Variants in TRDN observed in about 807,000 individuals in gnomAD.
The protein encoded by TRDN is triadin.
In TRDN, 161 loss-of-function variants were observed where a neutral mutation model predicts 149.7. The ratio of observed to expected loss-of-function variants is 1.08; its 90% CI spans 0.95 to 1.23. The LOEUF (loss-of-function observed/expected upper bound fraction) is 1.23, where lower values mean the gene tolerates loss of function less well. Among genes scored for constraint, TRDN ranks in the 50% most tolerant of loss-of-function variants. TRDN has a pLI of 0.00. For missense variants in TRDN, 896 were observed against 823.5 expected (o/e 1.09, Z -1.08); for synonymous variants, 294 against 250.5 (o/e 1.17, Z -1.64).
In TRDN at chr6:123,255,869, T is replaced by C. The variant is rs1179112140; in HGVS notation, c.1904A>G (p.Lys635Arg). Residue 635 changes from lysine (K) to arginine (R), a missense_variant and splice_region_variant, in exon 36 of 41, where the codon AAA (lysine) becomes AGA (arginine). Transcript: ENST00000334268. ...TTTTTATTCTTTTAAAAAATTACCT[T>C]TTTCTTCTCTAAGATGCTTCATGTC... ...KADMKHLREE[K>R]VSTRKESLQL... is the part of the protein sequence containing the mutation. 3 of 1,356,708 alleles carry C rather than the reference T, an allele frequency of 2.2e-6. No individual in the cohort carries two copies. The highest frequency in any genetic ancestry group is 2.9e-6 in the Non-Finnish European group (3 of 1,039,238). The allele number at this position is 1,356,708 out of a possible 1,614,324, so 84.0% of individuals were successfully genotyped here. A position where few individuals can be genotyped will look rare whatever the true frequency, so the allele number is the denominator to read the frequency against.
At chr6:123,624,721 A>G (rs371655474) in intron 1 of TRDN, among the ~76,000 whole-genome samples, 16 of 152,180 alleles carry the variant, frequency 1.1e-4, no homozygotes, top group African/African-American at 3.9e-4. Context: ...TACCTTTCTG[A>G]CAGTTGGTAT....
intron 20 of TRDN, among the ~76,000 whole-genome samples, chr6:123,357,108 A>C (rs1194868008): frequency 6.6e-6 from 1 of 151,852 alleles, no homozygotes; most frequent in African/African-American, 2.4e-5. Flanking sequence ...AAAGCATATA[A>C]ATTTTATCAT....
intron 35 of TRDN, among the ~76,000 whole-genome samples, chr6:123,258,471 C>A (rs1582787213): frequency 1.3e-5 from 2 of 152,158 alleles, no homozygotes; most frequent in Non-Finnish European, 2.9e-5. Flanking sequence ...AGCCTTGCAT[C>A]CCAGGGATGA....
chr6:123,585,163 C>G (rs368882348), intron 1 of TRDN, among the ~76,000 whole-genome samples: 6,922 of 144,944 alleles, frequency 0.048, 273 homozygotes, highest in African/African-American at 0.078. Flanking sequence ...ACAAGAGGAG[C>G]ACGCAAAGGA....
At chr6:123,289,748 G>T (rs533351959) in intron 24 of TRDN, among the ~76,000 whole-genome samples, 1 of 152,182 alleles carries the variant, frequency 6.6e-6, no homozygotes, top group African/African-American at 2.4e-5. Context: ...TGCCTATGGG[G>T]TAGTCTCTTT....
At chr6:123,570,374 A>G (rs149549822) in intron 2 of TRDN, among the ~76,000 whole-genome samples, 1 of 152,332 alleles carries the variant, frequency 6.6e-6, no homozygotes, top group East Asian at 1.9e-4. Context: ...TGAACAAAAA[A>G]TGAACAATTA....
chr6:123,393,598 G>C, intron 13 of TRDN, 26 bp downstream of exon 13: 2 of 1,577,536 alleles, frequency 1.3e-6, no homozygotes, highest in Non-Finnish European at 1.7e-6. Flanking sequence ...AAAAGGCAAT[G>C]CTTTTTAAAG....
chr6:123,305,528 G>C (rs1247387453), intron 24 of TRDN, among the ~76,000 whole-genome samples: 1 of 152,008 alleles, frequency 6.6e-6, no homozygotes, highest in Non-Finnish European at 1.5e-5. Flanking sequence ...AAGTTCTAAA[G>C]AACAATTCTC....
intron 9 of TRDN, among the ~76,000 whole-genome samples, chr6:123,465,254 T>G (rs1228736865): frequency 6.6e-6 from 1 of 152,170 alleles, no homozygotes; most frequent in African/African-American, 2.4e-5. Flanking sequence ...ACTTCATTAA[T>G]GGAAAATGTA....
At chr6:123,245,324 T>G (rs559325190) in intron 38 of TRDN, among the ~76,000 whole-genome samples, 1 of 152,156 alleles carries the variant, frequency 6.6e-6, no homozygotes, top group East Asian at 1.9e-4. Context: ...TCAAGACTCA[T>G]CAGTGTGCTG....
intron 9 of TRDN, among the ~76,000 whole-genome samples, chr6:123,483,066 T>TTTTTTATTATTA (rs543644350): frequency 3.7e-5 from 5 of 133,372 alleles, no homozygotes; most frequent in Admixed American, 7.7e-5. Flanking sequence ...TGATTTCTCA[T>TTTTTTATTATTA]TTATTATTAT....
chr6:123,636,853 C>T lies in TRDN; in HGVS notation c.-78G>A. 6.4e-7 allele frequency: 1 copy of T among 1,565,616 alleles called. No individual in the cohort carries two copies. The highest frequency in any genetic ancestry group is 8.8e-7 in the Non-Finnish European group (1 of 1,137,600). ...TGCAGAGTATTTGGGGATTTGAGAACTCTGGTGGAGGGTTCTGTGTCAAAA... is the reference window on the plus strand; with the variant it reads ...TGCAGAGTATTTGGGGATTTGAGAATTCTGGTGGAGGGTTCTGTGTCAAAA... On this transcript the variant is annotated 5_prime_UTR_variant, in exon 1 of 41. Coordinates refer to ENST00000334268, the MANE Select transcript of TRDN (RefSeq NM_006073.4).
chr6:123,635,217 G>A (rs1441042549), intron 1 of TRDN, among the ~76,000 whole-genome samples: 1 of 151,806 alleles, frequency 6.6e-6, no homozygotes, highest in African/African-American at 2.4e-5. Flanking sequence ...AAAGCAACAT[G>A]ACACAGAATA....
intron 21 of TRDN, chr6:123,351,379 T>C (rs945095839): frequency 1.0e-6 from 1 of 984,020 alleles, no homozygotes; most frequent in African/African-American, 1.7e-5. Flanking sequence ...GGAACACGCA[T>C]AAATGAACAC....
intron 9 of TRDN, chr6:123,488,605 C>T (rs529700723): frequency 1.3e-5 from 2 of 152,242 alleles, no homozygotes; most frequent in East Asian, 3.9e-4. Flanking sequence ...TTTTCTCCAT[C>T]ACATATTCTA....
chr6:123,585,610 T>A (rs1431950630), intron 1 of TRDN, among the ~76,000 whole-genome samples: 3 of 152,024 alleles, frequency 2.0e-5, no homozygotes, highest in Non-Finnish European at 4.4e-5. Context: ...TGGGCCAGAG[T>A]TCCAGGGGCT....
chr6:123,507,203 T>A (rs1002914632), intron 7 of TRDN, among the ~76,000 whole-genome samples: 9 of 152,142 alleles, frequency 5.9e-5, no homozygotes, highest in Admixed American at 2.6e-4. Flanking sequence ...ATGAAATTGT[T>A]ATATTTGCTT....
chr6:123,328,789 C>T (rs1457559761), intron 23 of TRDN, among the ~76,000 whole-genome samples: 1 of 152,158 alleles, frequency 6.6e-6, no homozygotes, highest in Non-Finnish European at 1.5e-5. Flanking sequence ...ACTTCAGTAT[C>T]TGGTTAATTG....
intron 12 of TRDN, among the ~76,000 whole-genome samples, chr6:123,410,609 G>A (rs1562299743): frequency 1.3e-5 from 2 of 152,010 alleles, no homozygotes; most frequent in African/African-American, 2.4e-5. Flanking sequence ...ATAAACATAG[G>A]GTCAGTGAAA....
Sources: allele counts gnomAD v4.1 joint callset (sites outside exome capture counted in the v4.1 genomes callset), GRCh38; gene constraint gnomAD v4.1.1; transcripts MANE v1.5; gene names NCBI Gene and HGNC (gene_info 2026-07-23, HGNC 2026-07-21).